The following COLEC10 variants were observed in gnomAD, a reference collection of about 807,000 sequenced individuals.
COLEC10 encodes the protein collectin subfamily member 10.
COLEC10 carries 22 observed loss-of-function variants against 28.4 expected under a neutral mutation model. The observed-to-expected ratio is 0.78, with a 90% CI of 0.55 to 1.11. The LOEUF (loss-of-function observed/expected upper bound fraction) is 1.11, where lower values mean the gene tolerates loss of function less well. Among genes scored for constraint, COLEC10 ranks in the 50% least tolerant of loss-of-function variants. COLEC10 has a pLI of 0.00. For synonymous variants in COLEC10, 125 were observed against 116.1 expected, an observed-to-expected ratio of 1.08 and a Z score of -0.49; for missense variants, 361 against 344.1, an observed-to-expected ratio of 1.05 and a Z score of -0.39.
rs1464186882 is a variant in COLEC10 at position 119,106,188 on chromosome 8, G to T, written c.831G>T (p.Lys277Asn). 6.3e-6 allele frequency: 10 copies of T among 1,596,844 alleles called. No homozygotes were observed. The East Asian group carries it at 2.3e-4, about 36-fold the overall frequency. ...TCTGTGAGTTCATCAAGAAGAAAAA[G>T]TAACTTCCCTCATCCTACGTATTTG... Reference protein sequence around the residue: ...YFVCEFIKKKK With the variant: ...YFVCEFIKKKN Residue 277 changes from lysine (K) to asparagine (N), a missense_variant, in exon 6 of 6, where the codon AAG becomes AAT. This residue lies in a region of COLEC10 where 22 missense variants were observed against 17.3 expected (regional missense o/e 1.28). Transcript: ENST00000332843.
chr8:119,105,859 A>G lies in COLEC10; in HGVS notation c.502A>G (p.Asn168Asp), dbSNP rs1465529560. The G allele has an allele frequency of 1.2e-6, 2 of 1,613,732 alleles. No homozygotes were observed. The highest frequency in any genetic ancestry group is 3.3e-5 in the Admixed American group (2 of 59,922). The stretch of plus-strand genomic sequence containing the variant: ...CTACTACATCGTGCAGGAAGAGAAG[A>G]ACTACAGGGAATCCCTAACCCACTG... ...KFYYIVQEEK[N>D]YRESLTHCRI... Residue 168 changes from asparagine to aspartate, a missense_variant, in exon 6 of 6, where the codon AAC (asparagine) becomes GAC (aspartate). Asn to Asp is a conservative substitution (Grantham distance 23). Around this residue, in one of 3 missense-constraint regions of COLEC10, gnomAD observed 335 missense variants for 308.5 expected, o/e 1.09. Transcript: ENST00000332843.
chr8:119,002,990 T>C (rs897668295), intron 1 of COLEC10, among the ~76,000 whole-genome samples: 23 of 152,276 alleles, frequency 1.5e-4, no homozygotes, highest in Non-Finnish European at 2.6e-4. Context: ...TTTTTCTCCA[T>C]TGGCTTAGTT....
intron 2 of COLEC10, among the ~76,000 whole-genome samples, chr8:119,051,382 C>A (rs539171484): frequency 1.3e-5 from 2 of 152,288 alleles, no homozygotes; most frequent in Admixed American, 6.5e-5. Flanking sequence ...AATCTTTTAA[C>A]CTTCCTGAGC....
At chr8:119,104,599 A>G (rs1815901778) in intron 5 of COLEC10, among the ~76,000 whole-genome samples, 1 of 152,186 alleles carries the variant, frequency 6.6e-6, no homozygotes, top group Non-Finnish European at 1.5e-5. Context: ...TTATAATTAC[A>G]GTTAAAATTG....
chr8:119,065,757 C>A (rs983322844), upstream of COLEC10, among the ~76,000 whole-genome samples: 3 of 151,138 alleles, frequency 2.0e-5, no homozygotes, highest in African/African-American at 7.3e-5. Flanking sequence ...ACTCAGGAGG[C>A]TGAGGCACGA....
chr8:119,001,370 G>A (rs1813697261), intron 1 of COLEC10, among the ~76,000 whole-genome samples: 1 of 152,132 alleles, frequency 6.6e-6, no homozygotes, highest in Non-Finnish European at 1.5e-5. Flanking sequence ...AATCCCAATA[G>A]TGACATTATA....
chr8:118,996,902 A>T (rs1813599226), intron 1 of COLEC10, among the ~76,000 whole-genome samples: 2 of 152,112 alleles, frequency 1.3e-5, no homozygotes, highest in Admixed American at 6.6e-5. Context: ...ACCACACTCT[A>T]AAACAATCAG....
At chr8:119,044,220 C>T (rs1359944411) in intron 2 of COLEC10, among the ~76,000 whole-genome samples, 1 of 152,196 alleles carries the variant, frequency 6.6e-6, no homozygotes, top group East Asian at 1.9e-4. Flanking sequence ...TTAACACACA[C>T]GTTTCATGTT....
chr8:119,007,143 G>GC (rs1813818670), intron 1 of COLEC10, among the ~76,000 whole-genome samples: 1 of 151,958 alleles, frequency 6.6e-6, no homozygotes, highest in African/African-American at 2.4e-5. Context: ...TAGGAATATC[G>GC]CCAAACCACG....
chr8:118,974,736 A>T, the COLEC10 span, among the ~76,000 whole-genome samples: 1 of 152,088 alleles, frequency 6.6e-6, no homozygotes, highest in African/African-American at 2.4e-5. Flanking sequence ...ACTCTGCACT[A>T]TGATGTTTTA....
intron 4 of COLEC10, among the ~76,000 whole-genome samples, chr8:119,102,876 C>A (rs942239101): frequency 2.6e-5 from 4 of 152,154 alleles, no homozygotes; most frequent in Non-Finnish European, 5.9e-5. Flanking sequence ...CAGTGCTTTA[C>A]ACAGGGAAAG....
At chr8:118,991,365 G>A (rs75246203), upstream of COLEC10, among the ~76,000 whole-genome samples, 304 of 152,236 alleles carry the variant, frequency 2.0e-3, 1 homozygote, top group African/African-American at 6.3e-3. Context: ...AATGAGATAC[G>A]ACCAGGAAAT....
the COLEC10 span, among the ~76,000 whole-genome samples, chr8:118,965,577 G>T: frequency 6.6e-6 from 1 of 151,742 alleles, no homozygotes; most frequent in Non-Finnish European, 1.5e-5. Flanking sequence ...GGTTGGGAAA[G>T]TGTGTGCCTG....
chr8:119,079,458 C>G (rs16891962), intron 1 of COLEC10, among the ~76,000 whole-genome samples: 1 of 152,094 alleles, frequency 6.6e-6, no homozygotes, highest in African/African-American at 2.4e-5. Flanking sequence ...CCACTTAGTC[C>G]TGAATTGATG....
chr8:119,042,400 CTTAA>C (rs948174874), intron 2 of COLEC10, among the ~76,000 whole-genome samples: 5 of 104,828 alleles, frequency 4.8e-5, no homozygotes, highest in Admixed American at 9.5e-5. Flanking sequence ...TTTTATTTAA[CTTAA>C]TTTATTTATT....
In COLEC10 at chr8:119,018,895, C is replaced by T. The variant is rs114216785; in HGVS notation, n.235+9342C>T. Among the ~76,000 whole-genome samples the T allele has an allele frequency of 3.2e-3, 489 of 152,296 alleles. 1 individual carries two copies. Among genetic ancestry groups the T allele is most frequent in the African/African-American group, 0.011 (453 of 41,576 alleles). On this transcript the variant is annotated intron_variant and non_coding_transcript_variant, in intron 2 of 6. Transcript: ENST00000521788. ...ACATCCCCCCAGTACCCAGGGAAAT[C>T]TTCCATAACTGGTCACAGTGGTATA...
At chr8:119,087,326 T>A (rs1168355066) in intron 1 of COLEC10, among the ~76,000 whole-genome samples, 1 of 152,164 alleles carries the variant, frequency 6.6e-6, no homozygotes, top group Non-Finnish European at 1.5e-5. Context: ...GTATAAAGTG[T>A]TATTTTTAAG....
At chr8:119,067,234 C>CTG (rs762326249), upstream of COLEC10, 12 of 1,580,238 alleles carry the variant, frequency 7.6e-6, no homozygotes, top group Non-Finnish European at 1.0e-5. Context: ...TAAAATAAAG[C>CTG]TGTTTATTTG....
the COLEC10 span, among the ~76,000 whole-genome samples, chr8:118,984,732 A>T: frequency 6.6e-6 from 1 of 152,126 alleles, no homozygotes; most frequent in Non-Finnish European, 1.5e-5. Flanking sequence ...AGGGAGGTAT[A>T]TTAGTTTGTT....
Sources: allele counts gnomAD v4.1 joint callset (sites outside exome capture counted in the v4.1 genomes callset), GRCh38; gene constraint gnomAD v4.1.1; regional missense constraint gnomAD v4.1.1; transcripts MANE v1.5; gene names NCBI Gene and HGNC (gene_info 2026-07-23, HGNC 2026-07-21).